Variants in SSBP2 observed in about 807,000 individuals in gnomAD.
The protein encoded by SSBP2 is single stranded DNA binding protein 2.
Under a neutral mutation model 61.8 loss-of-function variants are expected in SSBP2, and 17 were observed. The ratio of observed to expected loss-of-function variants is 0.28; its 90% confidence interval spans 0.19 to 0.41. SSBP2 has a LOEUF of 0.41. Among genes scored for constraint, SSBP2 ranks in the 10% least tolerant of loss-of-function variants. The probability of loss-of-function intolerance (pLI) is 1.00; values close to 1 mark genes in which losing one functional copy is unlikely to be tolerated. For missense variants in SSBP2, 310 were observed against 458.7 expected (o/e 0.68, Z 2.96); for synonymous variants, 139 against 141.3 (o/e 0.98, Z 0.12).
intron 4 of SSBP2, among the ~76,000 whole-genome samples, chr5:81,594,306 T>C (rs534557900): frequency 1.2e-4 from 18 of 152,250 alleles, no homozygotes; most frequent in African/African-American, 4.3e-4. Context: ...CCTAAATATA[T>C]AGGCACCCAA....
chr5:81,689,511 C>A (rs1753051900), intron 1 of SSBP2, among the ~76,000 whole-genome samples: 1 of 151,782 alleles, frequency 6.6e-6, no homozygotes. Flanking sequence ...TCTAATACAT[C>A]TGACAGCAGA....
At chr5:81,679,735 T>G (rs1199875156) in intron 1 of SSBP2, among the ~76,000 whole-genome samples, 3 of 152,210 alleles carry the variant, frequency 2.0e-5, no homozygotes, top group Admixed American at 2.0e-4. Flanking sequence ...TAAATATTAA[T>G]CCAACTACAT....
intron 4 of SSBP2, among the ~76,000 whole-genome samples, chr5:81,602,761 T>C (rs1744494630): frequency 6.6e-6 from 1 of 152,194 alleles, no homozygotes; most frequent in South Asian, 2.1e-4. Flanking sequence ...CTTTAGATAT[T>C]CTGCCTGGTA....
chr5:81,439,434 A>C (rs1762871164), intron 14 of SSBP2, among the ~76,000 whole-genome samples: 1 of 152,066 alleles, frequency 6.6e-6, no homozygotes, highest in South Asian at 2.1e-4. Context: ...CTATTGTTAA[A>C]ATTTTCATTC....
intron 4 of SSBP2, among the ~76,000 whole-genome samples, chr5:81,566,956 T>C (rs1773467134): frequency 6.6e-6 from 1 of 152,212 alleles, no homozygotes; most frequent in Non-Finnish European, 1.5e-5. Context: ...AAGAAATTCC[T>C]AAGCAGCAAA....
chr5:81,436,289 G>C (rs1013664088), intron 15 of SSBP2, among the ~76,000 whole-genome samples: 2 of 151,230 alleles, frequency 1.3e-5, no homozygotes, highest in African/African-American at 2.4e-5. Context: ...AAGTTACATA[G>C]GCAATTTTGT....
At chr5:81,638,999 TTC>T (rs1403344067) in intron 2 of SSBP2, among the ~76,000 whole-genome samples, 2 of 152,180 alleles carry the variant, frequency 1.3e-5, no homozygotes, top group African/African-American at 2.4e-5. Flanking sequence ...TTTTCTTTCT[TTC>T]TGTTTCTTTT....
chr5:81,724,568 C>A (rs1227786388), intron 1 of SSBP2, among the ~76,000 whole-genome samples: 3 of 152,016 alleles, frequency 2.0e-5, no homozygotes, highest in Admixed American at 6.6e-5. Flanking sequence ...AGGAAAAGTG[C>A]AAACTGCTTG....
At chr5:81,651,168 C>T (rs1236065425) in intron 1 of SSBP2, among the ~76,000 whole-genome samples, 1 of 152,002 alleles carries the variant, frequency 6.6e-6, no homozygotes, top group Non-Finnish European at 1.5e-5. Flanking sequence ...TATCTTGGAC[C>T]AATGCCCAGA....
chr5:81,502,953 A>G (rs1425453807), intron 5 of SSBP2, among the ~76,000 whole-genome samples: 10 of 152,258 alleles, frequency 6.6e-5, no homozygotes, highest in Admixed American at 5.2e-4. Context: ...ATCTATTAAT[A>G]TAAGGCACTT....
intron 5 of SSBP2, among the ~76,000 whole-genome samples, chr5:81,505,622 T>C (rs1561480664): frequency 6.6e-6 from 1 of 152,172 alleles, no homozygotes; most frequent in Non-Finnish European, 1.5e-5. Flanking sequence ...CAATAAAAAC[T>C]ACAGCACTCG....
chr5:81,446,516 G>T (rs1186049500), intron 12 of SSBP2, among the ~76,000 whole-genome samples: 1 of 152,022 alleles, frequency 6.6e-6, no homozygotes, highest in Admixed American at 6.6e-5. Context: ...TAAACCTAAT[G>T]AATCCATGTA....
intron 2 of SSBP2, among the ~76,000 whole-genome samples, chr5:81,647,294 A>G (rs924255409): frequency 6.6e-6 from 1 of 152,110 alleles, no homozygotes; most frequent in Non-Finnish European, 1.5e-5. Context: ...TATACTTTAT[A>G]TTCATACTAT....
At chr5:81,439,293 G>A (rs1408553663) in intron 14 of SSBP2, among the ~76,000 whole-genome samples, 1 of 151,820 alleles carries the variant, frequency 6.6e-6, no homozygotes, top group Non-Finnish European at 1.5e-5. Flanking sequence ...TTATGGTCAT[G>A]TTACTTAAAC....
chr5:81,479,786 T>C (rs1765852198), intron 6 of SSBP2, among the ~76,000 whole-genome samples: 1 of 152,200 alleles, frequency 6.6e-6, no homozygotes, highest in Non-Finnish European at 1.5e-5. Context: ...TTATTCATCC[T>C]TTTTAATGAT....
intron 3 of SSBP2, among the ~76,000 whole-genome samples, chr5:81,633,995 A>C (rs1047025336): frequency 1.3e-5 from 2 of 152,170 alleles, no homozygotes; most frequent in African/African-American, 4.8e-5. Context: ...TGTAAACCTA[A>C]AATAAAATTG....
At chr5:81,682,193 A>T (rs1752436730) in intron 1 of SSBP2, among the ~76,000 whole-genome samples, 1 of 152,200 alleles carries the variant, frequency 6.6e-6, no homozygotes, top group East Asian at 1.9e-4. Flanking sequence ...CCAGGGGAAT[A>T]CCTTCTAACT....
chr5:81,718,664 A>G (rs1364920244), intron 1 of SSBP2, among the ~76,000 whole-genome samples: 1 of 152,220 alleles, frequency 6.6e-6, no homozygotes, highest in Non-Finnish European at 1.5e-5. Flanking sequence ...ATTTATTAAC[A>G]CAAGTAAGAT....
Position 81,456,970 on chromosome 5 carries a change from C to T in SSBP2, c.687+4085G>A, listed in dbSNP as rs190557075. Among the ~76,000 whole-genome samples the T allele has an allele frequency of 2.1e-3, 318 of 152,242 alleles. 2 individuals are homozygous for T. Among genetic ancestry groups the T allele is most frequent in the African/African-American group, 7.4e-3 (308 of 41,548 alleles). On this transcript the variant is annotated intron_variant, in intron 10 of 16. Transcript: ENST00000320672. ...TGAAATGGAAGCATCAGTGTGCACT[C>T]ATGTTTTTAATACAAATAGGTAAAG...
Sources: allele counts gnomAD v4.1 joint callset (sites outside exome capture counted in the v4.1 genomes callset), GRCh38; gene constraint gnomAD v4.1.1; transcripts MANE v1.5; gene names NCBI Gene and HGNC (gene_info 2026-07-23, HGNC 2026-07-21).